The following ARHGEF37 variants were observed in gnomAD, a reference collection of about 807,000 sequenced individuals.
The protein encoded by ARHGEF37 is Rho guanine nucleotide exchange factor (GEF) 37.
ARHGEF37 carries 55 observed loss-of-function variants against 71.1 expected under a neutral mutation model. The observed-to-expected ratio is 0.77, with a 90% CI of 0.62 to 0.97. The LOEUF is 0.97. Among genes scored for constraint, ARHGEF37 ranks in the 50% least tolerant of loss-of-function variants. The probability of loss-of-function intolerance (pLI) is 0.00; values close to 1 mark genes in which losing one functional copy is unlikely to be tolerated. For missense variants in ARHGEF37, 765 were observed against 836.8 expected (o/e 0.91, Z 1.06); for synonymous variants, 327 against 350.6 (o/e 0.93, Z 0.75).
At chr5:149,591,007 A>G (rs1344456023) in intron 1 of ARHGEF37, among the ~76,000 whole-genome samples, 1 of 152,218 alleles carries the variant, frequency 6.6e-6, no homozygotes, top group Non-Finnish European at 1.5e-5. Flanking sequence ...GCTATATTTA[A>G]ATAAGATGTA....
intron 1 of ARHGEF37, among the ~76,000 whole-genome samples, chr5:149,582,530 A>G (rs887121052): frequency 1.3e-5 from 2 of 152,212 alleles, no homozygotes; most frequent in African/African-American, 2.4e-5. Flanking sequence ...GTCAGACTTA[A>G]GAATGAACAT....
intron 1 of ARHGEF37, among the ~76,000 whole-genome samples, chr5:149,590,851 G>A (rs950346148): frequency 4.0e-5 from 6 of 151,896 alleles, no homozygotes; most frequent in Admixed American, 1.3e-4. Flanking sequence ...CTCCCGCCTC[G>A]TCCTCCCAAA....
chr5:149,616,174 A>C (rs1198589744), intron 4 of ARHGEF37, among the ~76,000 whole-genome samples: 1 of 152,134 alleles, frequency 6.6e-6, no homozygotes, highest in African/African-American at 2.4e-5. Flanking sequence ...GCACTCCGGC[A>C]TTGGAGAGAG....
chr5:149,610,712 T>C (rs1033623766), intron 4 of ARHGEF37, among the ~76,000 whole-genome samples: 2 of 152,094 alleles, frequency 1.3e-5, no homozygotes, highest in African/African-American at 4.8e-5. Flanking sequence ...TTTCTACAGT[T>C]TACAGATATA....
Position 149,632,504 on chromosome 5 carries a change from T to C in ARHGEF37, c.*313T>C. 3.0e-6 allele frequency: 1 copy of C among 334,890 alleles called. No individual in the cohort carries two copies. 20.7% of individuals were successfully genotyped at this position (334,890 alleles called of 1,614,324 possible). A position where few individuals can be genotyped will look rare whatever the true frequency, so the allele number is the denominator to read the frequency against. On this transcript the variant is annotated 3_prime_UTR_variant, in exon 13 of 13. Coordinates refer to ENST00000333677, the MANE Select transcript of ARHGEF37 (RefSeq NM_001001669.3). ...AGGACTCTCCATAGGTTATGGCCAG[T>C]CTTAGCTGTGCCTGCATCCGGGCCT...
chr5:149,601,075 A>C, intron 2 of ARHGEF37, 33 bp from the exon 3 acceptor site: 1 of 1,598,104 alleles, frequency 6.3e-7, no homozygotes, highest in Non-Finnish European at 8.6e-7. Context: ...TGGAACTCCC[A>C]ACCACCTCTC....
At chr5:149,588,227 T>TCTGC (rs1554120970) in intron 1 of ARHGEF37, among the ~76,000 whole-genome samples, 1 of 151,378 alleles carries the variant, frequency 6.6e-6, no homozygotes, top group Admixed American at 6.6e-5. Flanking sequence ...TGTTTGTTTG[T>TCTGC]TTGCTTTGAG....
chr5:149,554,496 T>C (rs570450667), intron 1 of ARHGEF37, among the ~76,000 whole-genome samples: 2 of 152,154 alleles, frequency 1.3e-5, no homozygotes, highest in Non-Finnish European at 2.9e-5. Flanking sequence ...GTATGAGTCC[T>C]CCTTTGTTTC....
chr5:149,590,845 C>T (rs1384995926), intron 1 of ARHGEF37, among the ~76,000 whole-genome samples: 2 of 152,082 alleles, frequency 1.3e-5, no homozygotes, highest in Admixed American at 6.5e-5. Context: ...GTGATCCTCC[C>T]GCCTCGTCCT....
At chr5:149,618,906 A>G in intron 6 of ARHGEF37, 32 bp from the exon 7 acceptor site, 4 of 1,557,668 alleles carry the variant, frequency 2.6e-6, no homozygotes, top group Non-Finnish European at 3.5e-6. Context: ...CCCCATGTGG[A>G]TATTCTCAAC....
At position 149,622,052 on chromosome 5, in the gene ARHGEF37, G is replaced by A; in HGVS notation, c.1325G>A (p.Ser442Asn). ...AKQVLQRAEG[S>N]MAQLPHHHVP... Reference sequence around the variant, plus strand: ...CAAGTGCTGCAGAGGGCAGAGGGAAGCATGGCCCAGGTAAGGCCTCTGAGA... The same window carrying A: ...CAAGTGCTGCAGAGGGCAGAGGGAAACATGGCCCAGGTAAGGCCTCTGAGA... The change falls in exon 9 of 13, where the codon AGC becomes AAC. Residue 442 changes from serine to asparagine, a missense_variant. Physicochemically the swap from Ser to Asn is conservative, Grantham distance 46 (BLOSUM62 1). This residue lies in a region of ARHGEF37 where 390 missense variants were observed against 407.4 expected (regional missense o/e 0.96). Coordinates refer to ENST00000333677, the MANE Select transcript of ARHGEF37 (RefSeq NM_001001669.3). The A allele has an allele frequency of 6.2e-7, 1 of 1,609,194 alleles. No homozygotes were observed. The highest frequency in any genetic ancestry group is 8.5e-7 in the Non-Finnish European group (1 of 1,176,980).
Position 149,582,498 on chromosome 5 carries a change from C to G in ARHGEF37, c.-12+874C>G, listed in dbSNP as rs566389056. Among the ~76,000 whole-genome samples the G allele has an allele frequency of 5.9e-4, 90 of 152,214 alleles. No individual in the cohort carries two copies. In the South Asian group the frequency reaches 6.2e-3, roughly 11 times the overall value. On this transcript the variant is annotated intron_variant, in intron 1 of 12. Transcript: ENST00000333677. ...ATGTGTAGACGGGGGATGAGAGTGTCTGCTTCATCCTCCAGGTTATTGTCA... is the reference window on the plus strand; with the variant it reads ...ATGTGTAGACGGGGGATGAGAGTGTGTGCTTCATCCTCCAGGTTATTGTCA...
chr5:149,616,701 G>A lies in ARHGEF37; in HGVS notation c.593G>A (p.Arg198Lys). Reference sequence around the variant, plus strand: ...GCCAGTGCCTATCCTGTCCTTCAGAGGGCTGTCTCTGCCCTCCAGGACGTG... The same window carrying A: ...GCCAGTGCCTATCCTGTCCTTCAGAAGGCTGTCTCTGCCCTCCAGGACGTG... ...PDASAYPVLQ[R>K]AVSALQDVNT... The change falls in exon 5 of 13, where the codon AGG becomes AAG. Residue 198 changes from arginine to lysine, a missense_variant. By Grantham distance (26) the Arg-to-Lys change is conservative (BLOSUM62 2). Transcript: ENST00000333677. 6.2e-7 allele frequency: 1 copy of A among 1,613,808 alleles called. No homozygotes were observed. Among genetic ancestry groups the A allele is most frequent in the South Asian group, 1.1e-5 (1 of 91,022 alleles).
At chr5:149,561,250 G>A (rs958792273) in intron 1 of ARHGEF37, among the ~76,000 whole-genome samples, 9 of 138,882 alleles carry the variant, frequency 6.5e-5, no homozygotes, top group African/African-American at 2.2e-4. Context: ...TACAGCCTGG[G>A]CAACAGAGCA....
At chr5:149,578,740 G>A (rs1763054223), upstream of ARHGEF37, among the ~76,000 whole-genome samples, 1 of 152,190 alleles carries the variant, frequency 6.6e-6, no homozygotes, top group Admixed American at 6.5e-5. Flanking sequence ...CCGAGGGCAA[G>A]GTGATGTCCA....
rs143457583 is a variant in ARHGEF37, at chr5:149,615,048, T to C, written c.459-1519T>C. Among the ~76,000 whole-genome samples, 584 of 152,302 alleles carry C rather than the reference T, an allele frequency of 3.8e-3. 6 individuals carry two copies. Among genetic ancestry groups the C allele is most frequent in the African/African-American group, 0.013 (556 of 41,566 alleles). The stretch of plus-strand genomic sequence containing the variant: ...CCGGATGCTATTGACTTGGGGACTC[T>C]GGATGAAATTCCAGACATCCTTAAG... On this transcript the variant is annotated intron_variant, in intron 4 of 12. Coordinates refer to ENST00000333677, the MANE Select transcript of ARHGEF37 (RefSeq NM_001001669.3).
intron 2 of ARHGEF37, among the ~76,000 whole-genome samples, chr5:149,598,528 G>A (rs935753150): frequency 6.8e-6 from 1 of 146,140 alleles, no homozygotes; most frequent in Admixed American, 7.0e-5. Context: ...CCCTTCAAGG[G>A]TCTCTTTATT....
chr5:149,607,465 A>C (rs1763944047), intron 3 of ARHGEF37, among the ~76,000 whole-genome samples: 1 of 152,162 alleles, frequency 6.6e-6, no homozygotes, highest in South Asian at 2.1e-4. Context: ...ACCATTTTCT[A>C]ACTCTTTATT....
chr5:149,631,413 T>G (rs1752882222), intron 12 of ARHGEF37, among the ~76,000 whole-genome samples: 1 of 152,148 alleles, frequency 6.6e-6, no homozygotes, highest in Admixed American at 6.6e-5. Context: ...TCAGGTGATC[T>G]GCCCTCCTCT....
Sources: allele counts gnomAD v4.1 joint callset (sites outside exome capture counted in the v4.1 genomes callset), GRCh38; gene constraint gnomAD v4.1.1; regional missense constraint gnomAD v4.1.1; transcripts MANE v1.5; gene names NCBI Gene and HGNC (gene_info 2026-07-23, HGNC 2026-07-21).